Variants in CLOCK observed in about 807,000 individuals in gnomAD.
CLOCK encodes the protein circadian locomoter output cycles protein kaput.
Under a neutral mutation model 118.4 loss-of-function variants are expected in CLOCK, and 43 were observed. The observed-to-expected ratio is 0.36, with a 90% confidence interval of 0.28 to 0.47. CLOCK has a LOEUF of 0.47. Ranked by LOEUF, CLOCK falls within the 20% of genes least tolerant of loss-of-function variation. CLOCK has a pLI of 1.00. For synonymous variants in CLOCK, 326 were observed against 339.2 expected (o/e 0.96, Z 0.43); for missense variants, 846 against 999.9 (o/e 0.85, Z 2.08).
intron 2 of CLOCK, among the ~76,000 whole-genome samples, chr4:55,489,770 G>C (rs1391262094): frequency 6.6e-6 from 1 of 152,048 alleles, no homozygotes; most frequent in African/African-American, 2.4e-5. Context: ...AACAAGGGAA[G>C]AGTAAGAAAG....
chr4:55,444,495 G>C, intron 19 of CLOCK, 138 bp downstream of exon 19: 2 of 985,360 alleles, frequency 2.0e-6, no homozygotes, highest in East Asian at 4.9e-5. Flanking sequence ...ATACTGAGTA[G>C]GTAACCAGTG....
chr4:55,491,630 T>C (rs1352152904), intron 2 of CLOCK, among the ~76,000 whole-genome samples: 2 of 152,082 alleles, frequency 1.3e-5, no homozygotes, highest in East Asian at 3.8e-4. Flanking sequence ...GAATCATGAA[T>C]AGAAAAATGT....
intron 1 of CLOCK, among the ~76,000 whole-genome samples, chr4:55,518,702 G>A (rs1475515806): frequency 1.3e-5 from 2 of 152,158 alleles, no homozygotes; most frequent in Non-Finnish European, 2.9e-5. Flanking sequence ...CAGCAACAAG[G>A]CACCAGAATG....
intron 2 of CLOCK, among the ~76,000 whole-genome samples, chr4:55,489,753 C>T (rs1001128208): frequency 9.9e-5 from 15 of 151,904 alleles, no homozygotes; most frequent in African/African-American, 2.9e-4. Flanking sequence ...AACATTGTGA[C>T]ATCAATAACA....
At chr4:55,444,873 C>A (rs892738604) in intron 18 of CLOCK, 88 bp from the exon 19 acceptor site, 1 of 1,345,030 alleles carries the variant, frequency 7.4e-7, no homozygotes. Context: ...AGCAGTATAA[C>A]ATGAGTGAAG....
rs1171031482 is a variant in CLOCK at position 55,430,156 on chromosome 4, A to C, written c.*5259T>G. ...ATTGCTTCTTTGAACCCCTTTCTAA[A>C]TTCTTTCATAAATACTTACTAGTTT... is the stretch of plus-strand genomic sequence containing the variant. On this transcript the variant is annotated 3_prime_UTR_variant, in exon 23 of 23. Transcript: ENST00000513440. The C allele has an allele frequency of 6.6e-6, 1 of 152,184 alleles. No homozygotes were observed. Among genetic ancestry groups the C allele is most frequent in the African/African-American group, 2.4e-5 (1 of 41,458 alleles). The allele number at this position is 152,184 out of a possible 1,614,324, so 9.4% of individuals were successfully genotyped here.
At chr4:55,459,943 T>C (rs1459898275) in intron 9 of CLOCK, among the ~76,000 whole-genome samples, 1 of 152,214 alleles carries the variant, frequency 6.6e-6, no homozygotes, top group African/African-American at 2.4e-5. Flanking sequence ...CGAGAGCCAC[T>C]GCACCTGGCC....
intron 3 of CLOCK, among the ~76,000 whole-genome samples, chr4:55,485,997 A>G (rs1727275774): frequency 6.6e-6 from 1 of 152,226 alleles, no homozygotes; most frequent in African/African-American, 2.4e-5. Context: ...TTGAGATCAG[A>G]GTCATCTGGT....
At chr4:55,437,314 C>G (rs922414928) in intron 22 of CLOCK, among the ~76,000 whole-genome samples, 9 of 152,114 alleles carry the variant, frequency 5.9e-5, no homozygotes, top group Non-Finnish European at 8.8e-5. Context: ...AAGTGCCCAG[C>G]CTAGATGAAG....
intron 3 of CLOCK, among the ~76,000 whole-genome samples, chr4:55,485,240 C>T (rs961339352): frequency 6.6e-6 from 1 of 152,174 alleles, no homozygotes; most frequent in African/African-American, 2.4e-5. Context: ...GCTGGGATTA[C>T]AGGTGTGAGC....
intron 4 of CLOCK, 114 bp downstream of exon 4, chr4:55,482,625 T>C (rs1046163322): frequency 2.2e-5 from 15 of 669,324 alleles, no homozygotes; most frequent in South Asian, 8.3e-5. Context: ...CTGAATGCAA[T>C]AGTAATTATG....
rs766045492 is a variant in CLOCK at position 55,438,498 on chromosome 4, A to C, written c.2145T>G (p.Thr715=). The part of the protein sequence containing the change: ...QGQQLVTKLV[T]APVACGAVMV... ...TGACTGCCCCACAAGCTACAGGAGCAGTCACTAATTTGGTCACAAGTTGTT... is the reference window on the plus strand; with the variant it reads ...TGACTGCCCCACAAGCTACAGGAGCCGTCACTAATTTGGTCACAAGTTGTT... Residue 715 remains threonine (T), a synonymous_variant, in exon 22 of 23, where the codon ACT becomes ACG. Coordinates refer to ENST00000513440, the MANE Select transcript of CLOCK (RefSeq NM_004898.4). The C allele has an allele frequency of 1.2e-6, 2 of 1,613,800 alleles. No individual in the cohort carries two copies. Among genetic ancestry groups the C allele is most frequent in the South Asian group, 2.2e-5 (2 of 91,064 alleles).
chr4:55,454,693 T>C (rs569946486), intron 13 of CLOCK, among the ~76,000 whole-genome samples: 1 of 152,178 alleles, frequency 6.6e-6, no homozygotes, highest in South Asian at 2.1e-4. Context: ...TGTCTTCAGT[T>C]TTCTCAAAAC....
intron 2 of CLOCK, among the ~76,000 whole-genome samples, chr4:55,502,233 C>A (rs916813443): frequency 4.6e-5 from 7 of 152,088 alleles, no homozygotes; most frequent in Admixed American, 2.0e-4. Flanking sequence ...AAGCTGAGTG[C>A]AGAATTTTTA....
intron 2 of CLOCK, among the ~76,000 whole-genome samples, chr4:55,507,710 T>TA (rs1253774806): frequency 1.3e-5 from 2 of 152,318 alleles, no homozygotes; most frequent in Non-Finnish European, 1.5e-5. Context: ...CCAGTCTCAA[T>TA]AAGCAAACCT....
chr4:55,536,464 A>G (rs1306715410), intron 1 of CLOCK, among the ~76,000 whole-genome samples: 1 of 152,136 alleles, frequency 6.6e-6, no homozygotes, highest in Non-Finnish European at 1.5e-5. Flanking sequence ...CTCCTCGGTA[A>G]TAAGTGAGTT....
intron 1 of CLOCK, among the ~76,000 whole-genome samples, chr4:55,525,847 T>C (rs1730146905): frequency 1.4e-5 from 2 of 143,480 alleles, no homozygotes; most frequent in African/African-American, 5.2e-5. Context: ...CAAGAAATTA[T>C]TAGTCCTTCC....
intron 6 of CLOCK, 105 bp downstream of exon 6, chr4:55,478,708 TTC>T (rs1726709681): frequency 9.2e-7 from 1 of 1,085,144 alleles, no homozygotes; most frequent in Non-Finnish European, 1.4e-6. Context: ...TGCAATTGAT[TTC>T]TCTCTCTTAA....
At chr4:55,494,161 G>A (rs1227806403) in intron 2 of CLOCK, among the ~76,000 whole-genome samples, 1 of 152,114 alleles carries the variant, frequency 6.6e-6, no homozygotes, top group African/African-American at 2.4e-5. Flanking sequence ...TGAAGGTGGA[G>A]GGAGAGCACA....
Sources: gnomAD v4.1 joint callset for allele counts (sites outside exome capture counted in the v4.1 genomes callset) on GRCh38, gnomAD v4.1.1 for gene constraint, MANE v1.5 for transcripts, NCBI Gene and HGNC (gene_info 2026-07-23, HGNC 2026-07-21) for gene names.